The following LY6S variants were observed in gnomAD, a reference collection of about 807,000 sequenced individuals.
The protein encoded by LY6S is lymphocyte antigen 6S.
chr8:143,046,041 T>TG, the LY6S span, among the ~76,000 whole-genome samples: 9 of 152,166 alleles, frequency 5.9e-5, no homozygotes, highest in South Asian at 2.1e-4. Flanking sequence ...TTAGTAGAGA[T>TG]GGGGTTTCAC....
chr8:143,072,389 C>G, the LY6S span, among the ~76,000 whole-genome samples: 2,087 of 44,410 alleles, frequency 0.047, 25 homozygotes, highest in East Asian at 0.089. Context: ...CGGGATTCCT[C>G]TTTGAGGAGA....
the LY6S span, among the ~76,000 whole-genome samples, chr8:143,074,010 C>G: frequency 6.6e-6 from 1 of 151,686 alleles, no homozygotes; most frequent in Non-Finnish European, 1.5e-5. Flanking sequence ...GCCGTCGTCC[C>G]CGGGGTTCTC....
chr8:143,056,664 A>C, the LY6S span, among the ~76,000 whole-genome samples: 1 of 152,132 alleles, frequency 6.6e-6, no homozygotes. Flanking sequence ...TCTATGCAAA[A>C]ATTTCTGATT....
the LY6S span, among the ~76,000 whole-genome samples, chr8:143,072,206 T>TTGAGAAGACAGCCATGGTC: frequency 8.0e-6 from 1 of 124,894 alleles, no homozygotes; most frequent in Non-Finnish European, 1.7e-5. Flanking sequence ...CAGCCGTCAT[T>TTGAGAAGACAGCCATGGTC]CTGGGGGTTC....
chr8:143,044,717 C>A, the LY6S span: 41 of 1,367,520 alleles, frequency 3.0e-5, no homozygotes, highest in Non-Finnish European at 3.9e-5. Context: ...GAGACACAGA[C>A]CCCATCCAGG....
At chr8:143,051,316 G>A in the LY6S span, among the ~76,000 whole-genome samples, 3 of 152,134 alleles carry the variant, frequency 2.0e-5, no homozygotes, top group Admixed American at 6.5e-5. Context: ...CAAGGCGAGC[G>A]GATCATCTGA....
At chr8:143,044,040 AGCTGAGGGTGCTGAGGGT>A in the LY6S span, 86 of 433,112 alleles carry the variant, frequency 2.0e-4, no homozygotes, top group South Asian at 1.3e-3. Context: ...CAGCTCCGAG[AGCTGAGGGTGCTGAGGGT>A]GCTGAGGGTG....
the LY6S span, among the ~76,000 whole-genome samples, chr8:143,069,211 CGG>C: frequency 6.6e-6 from 1 of 152,204 alleles, no homozygotes; most frequent in African/African-American, 2.4e-5. Context: ...GACAAGGCTG[CGG>C]AAAGTCCAGA....
chr8:143,053,970 G>T, the LY6S span: 113,711 of 152,022 alleles, frequency 0.75, 42,967 homozygotes, highest in East Asian at 0.93. Context: ...AATCACTCTA[G>T]CTCAATATAT....
the LY6S span, among the ~76,000 whole-genome samples, chr8:143,070,432 A>T: frequency 2.4e-4 from 24 of 98,070 alleles, no homozygotes; most frequent in African/African-American, 1.1e-3. Flanking sequence ...TTATATATAT[A>T]TTATATATAT....
chr8:143,044,890 A>C, the LY6S span: 1 of 1,208,120 alleles, frequency 8.3e-7, no homozygotes, highest in Middle Eastern at 3.4e-4. Flanking sequence ...AAGGGCACCC[A>C]CTCTCACCAC....
At chr8:143,070,489 A>ATATATAT in the LY6S span, among the ~76,000 whole-genome samples, 1 of 81,746 alleles carries the variant, frequency 1.2e-5, no homozygotes, top group African/African-American at 7.7e-5. Context: ...ATATATATAT[A>ATATATAT]TTTTTTTTTT....
the LY6S span, among the ~76,000 whole-genome samples, chr8:143,046,036 A>G: frequency 6.6e-6 from 1 of 152,184 alleles, no homozygotes; most frequent in South Asian, 2.1e-4. Context: ...GTATATTAGT[A>G]GAGATGGGGT....
chr8:143,057,429 T>C, the LY6S span: 1 of 492,322 alleles, frequency 2.0e-6, no homozygotes, highest in African/African-American at 2.0e-5. Flanking sequence ...TTTGTATTTT[T>C]AGTAGAAACA....
chr8:143,070,474 T>A, the LY6S span, among the ~76,000 whole-genome samples: 1 of 49,794 alleles, frequency 2.0e-5, no homozygotes, highest in Non-Finnish European at 3.6e-5. Context: ...AATATATATA[T>A]AAATATATAT....
chr8:143,052,511 C>T, the LY6S span, among the ~76,000 whole-genome samples: 1 of 152,202 alleles, frequency 6.6e-6, no homozygotes, highest in Admixed American at 6.5e-5. Context: ...GGCAGGTTGA[C>T]CGCACCCACA....
the LY6S span, among the ~76,000 whole-genome samples, chr8:143,069,282 T>C: frequency 1.3e-5 from 2 of 152,204 alleles, no homozygotes; most frequent in East Asian, 1.9e-4. Flanking sequence ...TCAAAATGCA[T>C]TTTTAAACTT....
At chr8:143,071,018 AAGGAAGGTCACTTGTTTTTACAT>A in the LY6S span, among the ~76,000 whole-genome samples, 3 of 124,674 alleles carry the variant, frequency 2.4e-5, no homozygotes, top group African/African-American at 1.1e-4. Flanking sequence ...GTGGTGGGGA[AAGGAAGGTCACTTGTTTTTACAT>A]GTGATGGAAT....
At chr8:143,058,491 T>C in the LY6S span, among the ~76,000 whole-genome samples, 1 of 151,454 alleles carries the variant, frequency 6.6e-6, no homozygotes. Flanking sequence ...TATCAGAGAC[T>C]TTTAGTACTT....
Sources: allele counts gnomAD v4.1 joint callset (sites outside exome capture counted in the v4.1 genomes callset), GRCh38; gene constraint gnomAD v4.1.1; transcripts MANE v1.5; gene names NCBI Gene and HGNC (gene_info 2026-07-23, HGNC 2026-07-21).